Variants in ATP11A observed in about 807,000 individuals in gnomAD.
The protein encoded by ATP11A is ATPase phospholipid transporting 11A.
Under a neutral mutation model 154.4 loss-of-function variants are expected in ATP11A, and 81 were observed. That is an observed-to-expected ratio of 0.52 (90% CI 0.44 to 0.63). ATP11A has a LOEUF of 0.63. Among genes scored for constraint, ATP11A ranks in the 30% least tolerant of loss-of-function variants. The pLI is 0.00. For missense variants in ATP11A, 1,316 were observed against 1,474.3 expected (o/e 0.89, Z 1.76); for synonymous variants, 623 against 585.9 (o/e 1.06, Z -0.91).
chr13:112,805,074 A>C (rs2140138343), intron 3 of ATP11A, 28 bp downstream of exon 3: 2,479 of 1,473,682 alleles, frequency 1.7e-3, no homozygotes, highest in Non-Finnish European at 2.1e-3. Context: ...TTTCCATCTC[A>C]TCACATATAA....
chr13:112,816,361 T>C, intron 6 of ATP11A, 150 bp downstream of exon 6: 1 of 1,000,450 alleles, frequency 1.0e-6, no homozygotes, highest in Non-Finnish European at 1.4e-6. Context: ...TTTCCTCACT[T>C]TTCCTTCCTC....
chr13:112,876,121 C>T (rs923790628), intron 28 of ATP11A, 180 bp downstream of exon 28: 2 of 545,574 alleles, frequency 3.7e-6, no homozygotes, highest in East Asian at 6.6e-5. Context: ...TTTGCGATGA[C>T]CGATGTCTAA....
At chr13:112,853,440 C>G (rs931604247) in intron 18 of ATP11A, among the ~76,000 whole-genome samples, 7 of 152,134 alleles carry the variant, frequency 4.6e-5, no homozygotes, top group African/African-American at 1.7e-4. Context: ...GAATTTAAAT[C>G]CATTCCTTTC....
intron 20 of ATP11A, among the ~76,000 whole-genome samples, chr13:112,857,239 TG>T (rs71208919): frequency 0.012 from 1,763 of 152,194 alleles, 41 homozygotes; most frequent in African/African-American, 0.04. Context: ...GGCACATAGA[TG>T]GGGGGGAAAA....
chr13:112,765,576 G>C lies in ATP11A; in HGVS notation c.40-19559G>C, dbSNP rs564410786. Among the ~76,000 whole-genome samples the C allele has an allele frequency of 6.6e-5, 10 of 152,366 alleles. 1 individual carries two copies. The highest frequency in any genetic ancestry group is 1.9e-4 in the African/African-American group (8 of 41,592). On this transcript the variant is annotated intron_variant, in intron 1 of 29. Coordinates refer to ENST00000375645, the MANE Select transcript of ATP11A (RefSeq NM_015205.3). ...TTGCCTAAGTGAACTTCAAACACAG[G>C]AAGAAGCGCTCAGTCGATGTTCATG...
intron 2 of ATP11A, among the ~76,000 whole-genome samples, chr13:112,787,491 G>A (rs1188546815): frequency 4.1e-5 from 4 of 98,580 alleles, no homozygotes; most frequent in Admixed American, 9.6e-5. Context: ...AATTCACACC[G>A]GGTGTCCTGA....
intron 1 of ATP11A, among the ~76,000 whole-genome samples, chr13:112,693,755 C>G (rs1885471044): frequency 6.6e-6 from 1 of 152,082 alleles, no homozygotes; most frequent in Non-Finnish European, 1.5e-5. Flanking sequence ...AGTTCAAGAC[C>G]AACCTGGCCA....
chr13:112,749,159 G>A (rs1466462553), intron 1 of ATP11A, among the ~76,000 whole-genome samples: 1 of 152,186 alleles, frequency 6.6e-6, no homozygotes, highest in Non-Finnish European at 1.5e-5. Flanking sequence ...GATGCCGTGG[G>A]CCATGGATGC....
chr13:112,784,126 G>A (rs1472286896), intron 1 of ATP11A, among the ~76,000 whole-genome samples: 1 of 152,244 alleles, frequency 6.6e-6, no homozygotes, highest in Non-Finnish European at 1.5e-5. Context: ...GACTGCCCCT[G>A]CAGAGCGGGG....
Position 112,819,298 on chromosome 13 carries a change from T to C in ATP11A, c.571-6T>C. ...CGGTGAGCTCACATGTCTTGTGCAT[T>C]TGTAGACGCATTACGCGGTCCAGGA... On this transcript the variant is annotated splice_region_variant and splice_polypyrimidine_tract_variant and intron_variant, in intron 6 of 29. Transcript: ENST00000375645. 6.2e-7 allele frequency: 1 copy of C among 1,613,980 alleles called. No homozygotes were observed. The highest frequency in any genetic ancestry group is 8.5e-7 in the Non-Finnish European group (1 of 1,179,852).
Position 112,819,907 on chromosome 13 carries a change from G to T in ATP11A, c.682G>T (p.Gly228Cys). Reference sequence around the variant, plus strand: ...TGGCTTTTCTGTCGCCAGGTTCGTGGGTCGCATCAACGTTTACAGTGACCT... The same window carrying T: ...TGGCTTTTCTGTCGCCAGGTTCGTGTGTCGCATCAACGTTTACAGTGACCT... ...QPQPDLYKFV[G>C]RINVYSDLND... The change falls in exon 8 of 30, where the codon GGT becomes TGT. Residue 228 changes from glycine to cysteine, a missense_variant. Physicochemically the swap from Gly to Cys is radical, Grantham distance 159. Transcript: ENST00000375645. The T allele has an allele frequency of 6.2e-7, 1 of 1,614,046 alleles. No homozygotes were observed. Among genetic ancestry groups the T allele is most frequent in the Non-Finnish European group, 8.5e-7 (1 of 1,179,964 alleles).
At chr13:112,853,618 G>A (rs2079839611) in intron 18 of ATP11A, among the ~76,000 whole-genome samples, 1 of 152,240 alleles carries the variant, frequency 6.6e-6, no homozygotes, top group African/African-American at 2.4e-5. Context: ...ACCTTCTGCA[G>A]CGTCTGCAGG....
At chr13:112,727,441 A>G (rs985461151) in intron 1 of ATP11A, among the ~76,000 whole-genome samples, 2 of 152,208 alleles carry the variant, frequency 1.3e-5, no homozygotes, top group South Asian at 2.1e-4. Flanking sequence ...AGAATCTGCT[A>G]TAGGCAGGTT....
intron 1 of ATP11A, among the ~76,000 whole-genome samples, chr13:112,726,025 C>A (rs944918450): frequency 2.6e-5 from 4 of 152,258 alleles, no homozygotes; most frequent in African/African-American, 7.2e-5. Flanking sequence ...TAGTTTTCAC[C>A]GACTCTGCTT....
In ATP11A at chr13:112,859,312, T is replaced by G; in HGVS notation, c.2668-81T>G. On this transcript the variant is annotated intron_variant, in intron 22 of 29. Transcript: ENST00000375645. This position sits in a 1 kb window ranked among gnomAD's most constrained non-coding sequence, Gnocchi z 4.3. Reference sequence around the variant, plus strand: ...GGGTGCACGTGGATCCCTCCTCCCATGTGGGGTGGGCCACGTCGGTAGGTG... The same window carrying G: ...GGGTGCACGTGGATCCCTCCTCCCAGGTGGGGTGGGCCACGTCGGTAGGTG... 2.7e-6 allele frequency: 3 copies of G among 1,122,678 alleles called. No homozygotes were observed. The highest frequency in any genetic ancestry group is 4.1e-6 in the Non-Finnish European group (3 of 732,528). The allele number at this position is 1,122,678 out of a possible 1,614,324, so 69.5% of individuals were successfully genotyped here.
intron 5 of ATP11A, among the ~76,000 whole-genome samples, chr13:112,815,357 C>CGA (rs2078615743): frequency 6.6e-6 from 1 of 151,476 alleles, no homozygotes; most frequent in East Asian, 2.0e-4. Context: ...ACAGTCCAGG[C>CGA]CACCGAGATG....
intron 29 of ATP11A, among the ~76,000 whole-genome samples, chr13:112,879,944 C>T (rs568622561): frequency 2.6e-5 from 4 of 152,338 alleles, no homozygotes; most frequent in Non-Finnish European, 4.4e-5. Flanking sequence ...TTCACTTCTC[C>T]GTCACTGTCC....
At position 112,690,588 on chromosome 13, in the gene ATP11A, C is replaced by T; in HGVS notation, c.39+133C>T. The T allele has an allele frequency of 1.2e-6, 1 of 857,656 alleles. No homozygotes were observed. Among genetic ancestry groups the T allele is most frequent in the Non-Finnish European group, 1.5e-6 (1 of 651,412 alleles). The allele number at this position is 857,656 out of a possible 1,614,324, so 53.1% of individuals were successfully genotyped here. A position where few individuals can be genotyped will look rare whatever the true frequency, so the allele number is the denominator to read the frequency against. On this transcript the variant is annotated intron_variant, in intron 1 of 29. Coordinates refer to ENST00000375645, the MANE Select transcript of ATP11A (RefSeq NM_015205.3). The surrounding 1 kb of genome is among the most constrained non-coding windows in gnomAD (Gnocchi z 5.6). ...CCGATGTCTGGGACTCGGACCGCCC[C>T]CGGGGACGAGCGGGATGCTGGGGAG...
rs547316735 is a variant in ATP11A, at chr13:112,884,945, C to G, written c.*3079C>G. On this transcript the variant is annotated 3_prime_UTR_variant, in exon 30 of 30. Transcript: ENST00000375645. ...TACCTGGCTTTTGGCTCCACGCTCA[C>G]TCATAGCCATGTCCACATGGGGGCT... The G allele has an allele frequency of 9.1e-4, 139 of 152,638 alleles. 2 individuals are homozygous for G. Among genetic ancestry groups the G allele is most frequent in the African/African-American group, 3.2e-3 (133 of 41,576 alleles). The allele number at this position is 152,638 out of a possible 1,614,324, so 9.5% of individuals were successfully genotyped here. A position where few individuals can be genotyped will look rare whatever the true frequency, so the allele number is the denominator to read the frequency against.
Sources: gnomAD v4.1 joint callset for allele counts (sites outside exome capture counted in the v4.1 genomes callset) on GRCh38, gnomAD v4.1.1 for gene constraint, Gnocchi (gnomAD v3.1) non-coding constraint, MANE v1.5 for transcripts, NCBI Gene and HGNC (gene_info 2026-07-23, HGNC 2026-07-21) for gene names.